Variants in ASB3 observed in about 807,000 individuals in gnomAD.
The protein encoded by ASB3 is ankyrin repeat and SOCS box containing 3.
Under a neutral mutation model 54.5 loss-of-function variants are expected in ASB3, and 41 were observed. That is an observed-to-expected ratio of 0.75 (90% CI 0.59 to 0.98). The LOEUF is 0.98. ASB3 is among the 50% of genes least tolerant of loss of function. The pLI is 0.00. For synonymous variants in ASB3, 266 were observed against 221.2 expected, an observed-to-expected ratio of 1.20 and a Z score of -1.80; for missense variants, 733 against 620.0, an observed-to-expected ratio of 1.18 and a Z score of -1.94.
At chr2:53,674,442 C>T (rs1667975486) in intron 9 of ASB3, among the ~76,000 whole-genome samples, 1 of 152,148 alleles carries the variant, frequency 6.6e-6, no homozygotes, top group Admixed American at 6.5e-5. Flanking sequence ...TAGAAGACTA[C>T]ATGTTGTTAT....
chr2:53,733,202 T>G (rs1572930240), intron 3 of ASB3, among the ~76,000 whole-genome samples: 1 of 152,264 alleles, frequency 6.6e-6, no homozygotes, highest in African/African-American at 2.4e-5. Context: ...AAAGAGTGCT[T>G]CTGCCTTGAG....
chr2:53,713,465 TA>T (rs1670216819), intron 7 of ASB3, among the ~76,000 whole-genome samples: 4 of 152,346 alleles, frequency 2.6e-5, no homozygotes, highest in Non-Finnish European at 4.4e-5. Context: ...CTTAGTGTTT[TA>T]AAACTGTAAG....
chr2:53,781,733 G>A (rs1307243825), intron 1 of ASB3, among the ~76,000 whole-genome samples: 3 of 152,222 alleles, frequency 2.0e-5, no homozygotes. Flanking sequence ...AACCTCAGGT[G>A]ATCCGCCTGC....
Position 53,693,893 on chromosome 2 carries a change from G to T in ASB3, c.1360C>A (p.Gln454Lys), listed in dbSNP as rs1432581745. The T allele has an allele frequency of 6.2e-7, 1 of 1,613,330 alleles. No homozygotes were observed. The highest frequency in any genetic ancestry group is 1.3e-5 in the African/African-American group (1 of 75,010). Residue 454 changes from glutamine (Q) to lysine (K), a missense_variant, in exon 9 of 10, where the codon CAA becomes AAA. Physicochemically the swap from Gln to Lys is moderately conservative, Grantham distance 53. Coordinates refer to ENST00000263634, the MANE Select transcript of ASB3 (RefSeq NM_016115.5). ...ARASNAWILQ[Q>K]HIATVPSLTH... Reference sequence around the variant, plus strand: ...AGTTATTCTTTCTTACCAATATGTTGCTGTAGAATCCAAGCGTTTGAGGCA... The same window carrying T: ...AGTTATTCTTTCTTACCAATATGTTTCTGTAGAATCCAAGCGTTTGAGGCA...
chr2:53,771,112 G>A (rs1051047276), intron 1 of ASB3, among the ~76,000 whole-genome samples: 1 of 152,176 alleles, frequency 6.6e-6, no homozygotes, highest in Non-Finnish European at 1.5e-5. Flanking sequence ...TGGAGGTGTG[G>A]CCTAACAATG....
At chr2:53,706,560 T>G (rs898584926) in intron 7 of ASB3, among the ~76,000 whole-genome samples, 1 of 152,030 alleles carries the variant, frequency 6.6e-6, no homozygotes, top group African/African-American at 2.4e-5. Context: ...ATTCTACCGC[T>G]TCAGCCTCCT....
chr2:53,701,330 A>G (rs1007418959), intron 7 of ASB3, among the ~76,000 whole-genome samples: 1 of 152,210 alleles, frequency 6.6e-6, no homozygotes, highest in East Asian at 1.9e-4. Flanking sequence ...TTACAATACT[A>G]CATCTTAAAA....
chr2:53,755,464 T>C (rs1218199983), intron 2 of ASB3, among the ~76,000 whole-genome samples: 3 of 152,218 alleles, frequency 2.0e-5, no homozygotes, highest in African/African-American at 7.2e-5. Flanking sequence ...ATAGGTTAAG[T>C]ATTAAGACCA....
At chr2:53,722,960 G>C (rs1048667656) in intron 5 of ASB3, among the ~76,000 whole-genome samples, 3 of 151,978 alleles carry the variant, frequency 2.0e-5, no homozygotes, top group Non-Finnish European at 2.9e-5. Context: ...CCACAAAAAG[G>C]CTCCTGAAGC....
chr2:53,712,376 T>C (rs892709605), intron 7 of ASB3, among the ~76,000 whole-genome samples: 16 of 152,210 alleles, frequency 1.1e-4, no homozygotes, highest in Non-Finnish European at 2.2e-4. Context: ...ATCTATTTAG[T>C]GCTCTCTACA....
chr2:53,728,113 T>C (rs1237133781), intron 5 of ASB3, among the ~76,000 whole-genome samples: 3 of 152,044 alleles, frequency 2.0e-5, no homozygotes, highest in Non-Finnish European at 4.4e-5. Context: ...GCATATCTGG[T>C]GTTTGGGAGA....
At chr2:53,677,436 A>C (rs570681635) in intron 9 of ASB3, among the ~76,000 whole-genome samples, 9 of 152,318 alleles carry the variant, frequency 5.9e-5, no homozygotes, top group African/African-American at 2.2e-4. Context: ...AACATGTTAT[A>C]AATACCACAA....
intron 5 of ASB3, among the ~76,000 whole-genome samples, chr2:53,719,361 C>T (rs1359805253): frequency 1.3e-5 from 2 of 152,210 alleles, no homozygotes; most frequent in East Asian, 3.8e-4. Context: ...CTTGCACAAG[C>T]ACTGTTATTT....
chr2:53,696,485 C>T (rs1056878885), intron 8 of ASB3, among the ~76,000 whole-genome samples: 4 of 152,078 alleles, frequency 2.6e-5, no homozygotes, highest in African/African-American at 9.7e-5. Context: ...CCAAGTAGTC[C>T]ATTTAGTTGG....
At chr2:53,776,788 C>T (rs904529524) in intron 1 of ASB3, among the ~76,000 whole-genome samples, 27 of 152,262 alleles carry the variant, frequency 1.8e-4, no homozygotes, top group African/African-American at 6.5e-4. Flanking sequence ...CACTGCACTC[C>T]AGGCTGGGCA....
At chr2:53,746,328 G>T (rs1278218467) in intron 3 of ASB3, among the ~76,000 whole-genome samples, 1 of 152,100 alleles carries the variant, frequency 6.6e-6, no homozygotes, top group East Asian at 1.9e-4. Flanking sequence ...GAGCAAGGCA[G>T]AGTGCTAAAG....
intron 3 of ASB3, among the ~76,000 whole-genome samples, chr2:53,738,143 T>G (rs1671746137): frequency 6.6e-6 from 1 of 152,176 alleles, no homozygotes; most frequent in African/African-American, 2.4e-5. Context: ...TGTAGAGGCC[T>G]GATAATCACC....
intron 2 of ASB3, among the ~76,000 whole-genome samples, chr2:53,757,826 T>G (rs911118954): frequency 6.6e-6 from 1 of 152,146 alleles, no homozygotes; most frequent in Non-Finnish European, 1.5e-5. Flanking sequence ...TCTCTCATCA[T>G]GTAAGATGCT....
chr2:53,785,810 C>T (rs1674942439), intron 1 of ASB3, among the ~76,000 whole-genome samples: 1 of 152,238 alleles, frequency 6.6e-6, no homozygotes, highest in Non-Finnish European at 1.5e-5. Context: ...CCTCTGCACT[C>T]CAGCCTGGGT....
Sources: allele counts gnomAD v4.1 joint callset (sites outside exome capture counted in the v4.1 genomes callset), GRCh38; gene constraint gnomAD v4.1.1; transcripts MANE v1.5; gene names NCBI Gene and HGNC (gene_info 2026-07-23, HGNC 2026-07-21).